Variants in RALYL observed in about 807,000 individuals in gnomAD.
RALYL encodes RNA-binding Raly-like protein.
Under a neutral mutation model 35.1 loss-of-function variants are expected in RALYL, and 29 were observed. That is an observed-to-expected ratio of 0.83 (90% CI 0.61 to 1.13). RALYL has a LOEUF of 1.13. RALYL is among the 50% of genes most tolerant of loss of function. RALYL has a pLI of 0.00. For missense variants in RALYL, 359 were observed against 360.4 expected (o/e 1.00, Z 0.03); for synonymous variants, 120 against 127.6 (o/e 0.94, Z 0.40).
intron 1 of RALYL, among the ~76,000 whole-genome samples, chr8:84,261,276 T>C (rs1427629422): frequency 7.5e-6 from 1 of 132,796 alleles, no homozygotes; most frequent in Non-Finnish European, 1.7e-5. Context: ...AGTTTGGCTG[T>C]GTCGCCACAA....
intron 4 of RALYL, among the ~76,000 whole-genome samples, chr8:84,843,085 C>G (rs1833796076): frequency 6.6e-6 from 1 of 152,130 alleles, no homozygotes; most frequent in Non-Finnish European, 1.5e-5. Flanking sequence ...CTCACCACTC[C>G]TATTCAACGT....
At chr8:84,713,520 A>G (rs1464246880) in intron 2 of RALYL, among the ~76,000 whole-genome samples, 3 of 152,012 alleles carry the variant, frequency 2.0e-5, no homozygotes, top group African/African-American at 7.2e-5. Flanking sequence ...CCACAAGGAT[A>G]TATCACATCA....
At chr8:84,893,673 A>G (rs1014743400) in intron 8 of RALYL, among the ~76,000 whole-genome samples, 7 of 152,186 alleles carry the variant, frequency 4.6e-5, no homozygotes, top group African/African-American at 1.4e-4. Flanking sequence ...CTAAAATGCC[A>G]ACATAGATTA....
At chr8:84,773,599 A>T (rs963730895) in intron 2 of RALYL, among the ~76,000 whole-genome samples, 1 of 142,378 alleles carries the variant, frequency 7.0e-6, no homozygotes, top group Non-Finnish European at 1.6e-5. Context: ...ACATACTTAA[A>T]CCTCTTTTTG....
In RALYL at chr8:84,544,493, A is replaced by G. The variant is rs544417081; in HGVS notation, c.256+14916A>G. Among the ~76,000 whole-genome samples the G allele has an allele frequency of 9.9e-5, 15 of 152,076 alleles. No homozygotes were observed. The East Asian group carries it at 2.7e-3, about 27-fold the overall frequency. On this transcript the variant is annotated intron_variant, in intron 2 of 8. Transcript: ENST00000521268. ...GGAGATACTCTCTTTTTATCATTGC[A>G]TAGTATTCTATTGTGTAGATGCTCC...
At chr8:84,312,757 C>T (rs1216413874) in intron 1 of RALYL, among the ~76,000 whole-genome samples, 1 of 152,222 alleles carries the variant, frequency 6.6e-6, no homozygotes, top group Non-Finnish European at 1.5e-5. Context: ...GCTGCCTTTC[C>T]TTTCCAGATG....
At chr8:84,586,938 GAGCAAC>G (rs1377461945) in intron 2 of RALYL, among the ~76,000 whole-genome samples, 1 of 152,102 alleles carries the variant, frequency 6.6e-6, no homozygotes, top group Admixed American at 6.6e-5. Flanking sequence ...CTGGGTCAAA[GAGCAAC>G]ATGGGTGTCT....
At chr8:84,434,214 AAAGAAC>A (rs2132760920) in intron 1 of RALYL, among the ~76,000 whole-genome samples, 2 of 152,056 alleles carry the variant, frequency 1.3e-5, no homozygotes, top group African/African-American at 4.8e-5. Context: ...CTACTTTTTA[AAAGAAC>A]ACTAGTCATA....
intron 1 of RALYL, among the ~76,000 whole-genome samples, chr8:84,486,543 C>T (rs951932606): frequency 2.6e-5 from 4 of 151,726 alleles, no homozygotes; most frequent in Middle Eastern, 3.2e-3. Flanking sequence ...TCTGTCTATG[C>T]TCATATTTGG....
chr8:84,332,836 G>A (rs554929920), intron 1 of RALYL, among the ~76,000 whole-genome samples: 2 of 152,126 alleles, frequency 1.3e-5, no homozygotes, highest in South Asian at 4.2e-4. Flanking sequence ...AAGAGCTGGA[G>A]GGGAGGTGAC....
chr8:84,589,653 G>T (rs1422171537), intron 2 of RALYL, among the ~76,000 whole-genome samples: 1 of 152,088 alleles, frequency 6.6e-6, no homozygotes, highest in Non-Finnish European at 1.5e-5. Context: ...CATAGCTAAA[G>T]TCCAATTATT....
intron 2 of RALYL, among the ~76,000 whole-genome samples, chr8:84,664,990 G>A (rs1000960912): frequency 6.6e-6 from 1 of 151,998 alleles, no homozygotes; most frequent in Admixed American, 6.6e-5. Flanking sequence ...ATTATTTTGA[G>A]GTATGTTCCT....
chr8:84,327,108 G>A (rs1845941028), intron 1 of RALYL, among the ~76,000 whole-genome samples: 1 of 152,048 alleles, frequency 6.6e-6, no homozygotes, highest in Non-Finnish European at 1.5e-5. Flanking sequence ...AAGATTATAA[G>A]CAATTTATTG....
chr8:84,644,303 C>A lies in RALYL; in HGVS notation c.256+114726C>A, dbSNP rs375568948. Among the ~76,000 whole-genome samples the A allele has an allele frequency of 2.1e-3, 323 of 152,028 alleles. 1 individual carries two copies. The highest frequency in any genetic ancestry group is 7.3e-3 in the African/African-American group (302 of 41,478). On this transcript the variant is annotated intron_variant, in intron 2 of 8. Transcript: ENST00000521268. ...ATTATTATTCCCATTTCACAGGTAA[C>A]AAAACAGGTTAAATTTATTATTCAT...
chr8:84,618,090 G>T (rs1250914247), intron 2 of RALYL, among the ~76,000 whole-genome samples: 2 of 151,194 alleles, frequency 1.3e-5, no homozygotes. Context: ...TTTGGTATCA[G>T]AGTGATGCTG....
intron 2 of RALYL, among the ~76,000 whole-genome samples, chr8:84,646,156 C>T (rs966189583): frequency 6.6e-6 from 1 of 151,818 alleles, no homozygotes; most frequent in East Asian, 1.9e-4. Context: ...AGCATCTTCT[C>T]TCTGACCCTT....
intron 1 of RALYL, among the ~76,000 whole-genome samples, chr8:84,192,161 A>G (rs1292938431): frequency 6.6e-6 from 1 of 152,244 alleles, no homozygotes; most frequent in East Asian, 1.9e-4. Flanking sequence ...TAGAATGTCT[A>G]ACCTGAATCT....
chr8:84,722,185 C>T (rs79604969), intron 2 of RALYL, among the ~76,000 whole-genome samples: 10,144 of 151,784 alleles, frequency 0.067, 776 homozygotes, highest in African/African-American at 0.19. Flanking sequence ...CTGAAAGGAC[C>T]TCTAGATTGC....
At chr8:84,779,300 T>G (rs1563585171) in intron 3 of RALYL, among the ~76,000 whole-genome samples, 1 of 152,212 alleles carries the variant, frequency 6.6e-6, no homozygotes, top group Non-Finnish European at 1.5e-5. Flanking sequence ...TACTTCTATT[T>G]GTAAAGTAGA....
Sources: gnomAD v4.1 joint callset for allele counts (sites outside exome capture counted in the v4.1 genomes callset) on GRCh38, gnomAD v4.1.1 for gene constraint, MANE v1.5 for transcripts, NCBI Gene and HGNC (gene_info 2026-07-23, HGNC 2026-07-21) for gene names.